PRH1: variants seen among roughly 807,000 people sequenced by gnomAD.
The protein encoded by PRH1 is proline rich protein HaeIII subfamily 1.
A neutral mutation model predicts 7.9 loss-of-function variants in PRH1; 7 were observed. That is an observed-to-expected ratio of 0.89 (90% confidence interval 0.50 to 1.67). PRH1 has a LOEUF of 1.67. Ranked by LOEUF, PRH1 falls within the 40% of genes most tolerant of loss-of-function variation. The pLI is 0.00. For missense variants in PRH1, 109 were observed against 223.6 expected (o/e 0.49, Z 3.27); for synonymous variants, 45 against 80.8 (o/e 0.56, Z 2.38).
intron 2 of PRH1, among the ~76,000 whole-genome samples, chr12:10,928,139 A>G (rs1424303384): frequency 1.3e-5 from 2 of 152,230 alleles, no homozygotes; most frequent in Non-Finnish European, 2.9e-5. Flanking sequence ...CTCAGCATAT[A>G]AAATATCAAC....
intron 2 of PRH1, chr12:10,930,604 A>G: frequency 1.2e-6 from 2 of 1,604,430 alleles, no homozygotes; most frequent in Non-Finnish European, 8.5e-7. Context: ...ACAGAGAGAT[A>G]TGAAGACAGG....
Position 11,022,492 on chromosome 12 carries a change from A to G in PRH1, c.-126+24528T>C, listed in dbSNP as rs780349492. The G allele has an allele frequency of 1.9e-6, 3 of 1,613,764 alleles. No homozygotes were observed. The East Asian group carries it at 6.7e-5, about 36-fold the overall frequency. On this transcript the variant is annotated intron_variant, in intron 1 of 3. Coordinates refer to the PRH1 transcript ENST00000539853. ...CCAGTCAATGACATTTACTAGGGCT[A>G]TGAAGCCATTGGCAACATTTCCAAG...
intron 1 of PRH1, among the ~76,000 whole-genome samples, chr12:11,043,053 C>A (rs990704621): frequency 6.6e-6 from 1 of 152,068 alleles, no homozygotes; most frequent in Non-Finnish European, 1.5e-5. Context: ...AATATACTAG[C>A]GAATCAAATT....
chr12:10,898,329 A>G (rs969716753), intron 2 of PRH1, among the ~76,000 whole-genome samples: 6 of 152,204 alleles, frequency 3.9e-5, no homozygotes, highest in African/African-American at 1.4e-4. Flanking sequence ...ACAGCCCACC[A>G]AAAGATACAC....
chr12:10,960,548 A>G (rs146288603), intron 2 of PRH1, among the ~76,000 whole-genome samples: 260 of 152,332 alleles, frequency 1.7e-3, no homozygotes, highest in Non-Finnish European at 3.2e-3. Flanking sequence ...AGAAAATCAA[A>G]ACAATTTGTT....
At chr12:11,040,971 G>A (rs545410507) in intron 1 of PRH1, among the ~76,000 whole-genome samples, 28 of 151,926 alleles carry the variant, frequency 1.8e-4, no homozygotes, top group Non-Finnish European at 1.9e-4. Flanking sequence ...AAAATAAAAA[G>A]CAAGAAACTA....
intron 2 of PRH1, chr12:10,930,342 T>C (rs1326774490): frequency 6.3e-7 from 1 of 1,593,550 alleles, no homozygotes; most frequent in Non-Finnish European, 8.6e-7. Context: ...TCTGTCTCCA[T>C]TTTTCCCTGA....
chr12:10,939,523 G>A (rs956159289), intron 2 of PRH1, among the ~76,000 whole-genome samples: 7 of 150,500 alleles, frequency 4.7e-5, no homozygotes, highest in African/African-American at 1.7e-4. Flanking sequence ...ATGCAAATAA[G>A]GACATATTTA....
chr12:11,158,173 T>C (rs1430691437), intron 1 of PRH1, among the ~76,000 whole-genome samples: 3 of 152,172 alleles, frequency 2.0e-5, no homozygotes, highest in Non-Finnish European at 4.4e-5. Flanking sequence ...ATTTCCTCTA[T>C]TAAAATAATA....
chr12:10,970,398 TTC>T (rs1201672236), intron 2 of PRH1, among the ~76,000 whole-genome samples: 1 of 152,190 alleles, frequency 6.6e-6, no homozygotes, highest in East Asian at 1.9e-4. Context: ...ATTCAGTAAT[TTC>T]TGTCACTTTG....
At chr12:11,133,142 C>CACACAT (rs1193215610) in intron 1 of PRH1, 3 of 965,740 alleles carry the variant, frequency 3.1e-6, no homozygotes, top group African/African-American at 1.7e-5. Context: ...CACACACACA[C>CACACAT]ATCTATATAT....
intron 1 of PRH1, among the ~76,000 whole-genome samples, chr12:11,104,334 T>G (rs931924311): frequency 4.6e-5 from 7 of 152,150 alleles, no homozygotes; most frequent in Non-Finnish European, 1.5e-5. Flanking sequence ...TATGTTTCAC[T>G]GTAGGGTTTT....
At chr12:11,007,855 T>C (rs1940897617) in intron 1 of PRH1, among the ~76,000 whole-genome samples, 1 of 152,044 alleles carries the variant, frequency 6.6e-6, no homozygotes, top group African/African-American at 2.4e-5. Flanking sequence ...ACATGGCCCA[T>C]CTCAAATTAC....
intron 1 of PRH1, among the ~76,000 whole-genome samples, chr12:11,062,743 A>G (rs1943666780): frequency 1.3e-5 from 2 of 152,086 alleles, no homozygotes; most frequent in African/African-American, 4.8e-5. Context: ...TCATATAGTA[A>G]ATGTCTAAAT....
rs150202369 is a variant in PRH1, at chr12:11,008,631, A to G, written c.-125-34910T>C. The stretch of plus-strand genomic sequence containing the variant: ...TTGAACTGTGTATAGGTGCAATCCT[A>G]TATGTTCTTATTCATGGCTTCCTGG... On this transcript the variant is annotated intron_variant, in intron 1 of 3. Coordinates refer to the PRH1 transcript ENST00000539853. Among the ~76,000 whole-genome samples the G allele has an allele frequency of 7.9e-5, 12 of 152,300 alleles. No individual in the cohort carries two copies. In the East Asian group the frequency reaches 1.5e-3, roughly 20 times the overall value.
At chr12:11,015,321 T>C (rs1941241531) in intron 1 of PRH1, among the ~76,000 whole-genome samples, 1 of 152,250 alleles carries the variant, frequency 6.6e-6, no homozygotes, top group East Asian at 1.9e-4. Flanking sequence ...AAACCACAAG[T>C]CAAAGGTCTA....
At chr12:11,095,922 C>T (rs1207924267) in intron 1 of PRH1, among the ~76,000 whole-genome samples, 2 of 114,864 alleles carry the variant, frequency 1.7e-5, no homozygotes, top group East Asian at 4.2e-4. Context: ...ATCCATTGAA[C>T]TCTAGCTTTA....
intron 1 of PRH1, among the ~76,000 whole-genome samples, chr12:11,154,788 G>C (rs1448434600): frequency 6.6e-6 from 1 of 152,134 alleles, no homozygotes; most frequent in East Asian, 1.9e-4. Context: ...ATTTCTTCTG[G>C]AAAGAAATTT....
At chr12:11,114,164 C>T (rs1592039755) in intron 1 of PRH1, among the ~76,000 whole-genome samples, 1 of 152,128 alleles carries the variant, frequency 6.6e-6, no homozygotes. Flanking sequence ...GGTACATACC[C>T]AAAGGATTAT....
Sources: gnomAD v4.1 joint callset for allele counts (sites outside exome capture counted in the v4.1 genomes callset) on GRCh38, gnomAD v4.1.1 for gene constraint, MANE v1.5 for transcripts, NCBI Gene and HGNC (gene_info 2026-07-23, HGNC 2026-07-21) for gene names.